Variants in PRAP1 observed in about 807,000 individuals in gnomAD.
PRAP1 encodes the protein proline-rich acidic protein 1.
Under a neutral mutation model 14.6 loss-of-function variants are expected in PRAP1, and 12 were observed. That is an observed-to-expected ratio of 0.82 (90% confidence interval 0.53 to 1.33). The LOEUF (loss-of-function observed/expected upper bound fraction) is 1.33. PRAP1 is among the 40% of genes most tolerant of loss of function. The pLI, the probability that PRAP1 is intolerant of heterozygous loss-of-function variation, is 0.00. For missense variants in PRAP1, 160 were observed against 193.7 expected (o/e 0.83, Z 1.03); for synonymous variants, 81 against 80.3 (o/e 1.01, Z -0.04).
At chr10:133,348,910 C>G (rs1848628990) in intron 1 of PRAP1, among the ~76,000 whole-genome samples, 1 of 152,014 alleles carries the variant, frequency 6.6e-6, no homozygotes, top group African/African-American at 2.4e-5. Flanking sequence ...ATCTGCCCAC[C>G]TCAGCCTCCC....
In PRAP1 at chr10:133,347,886, T is replaced by A. The variant is rs546245509; in HGVS notation, c.8+461T>A. Among the ~76,000 whole-genome samples the A allele has an allele frequency of 7.2e-5, 11 of 152,048 alleles. No individual in the cohort carries two copies. In the South Asian group the frequency reaches 1.0e-3, roughly 14 times the overall value. The stretch of plus-strand genomic sequence containing the variant: ...AGAGGCTGCCTTCCTTCTGTGGGGG[T>A]GTCTGTCTTCCCCCTCCTTGTGTGG... On this transcript the variant is annotated intron_variant, in intron 1 of 4. Coordinates refer to ENST00000433452, the MANE Select transcript of PRAP1 (RefSeq NM_145202.5). This position sits in a 1 kb window ranked among gnomAD's most constrained non-coding sequence, Gnocchi z 5.0.
intron 1 of PRAP1, among the ~76,000 whole-genome samples, chr10:133,349,458 T>G (rs1848642414): frequency 6.6e-6 from 1 of 151,990 alleles, no homozygotes; most frequent in Admixed American, 6.6e-5. Flanking sequence ...ACACCCACCA[T>G]GCACATGGTC....
At chr10:133,348,633 C>T (rs1356248408) in intron 1 of PRAP1, among the ~76,000 whole-genome samples, 3 of 151,980 alleles carry the variant, frequency 2.0e-5, no homozygotes, top group South Asian at 2.1e-4. Flanking sequence ...CCTGCCTCAG[C>T]CTCCCAAGTA....
chr10:133,347,931 C>T lies in PRAP1; in HGVS notation c.8+506C>T, dbSNP rs368303525. ...GTGTGGGGGACCCCTCTCCCCGCTC[C>T]TGTGGAGGTGCCCTCCTCCTCTTCC... On this transcript the variant is annotated intron_variant, in intron 1 of 4. Transcript: ENST00000433452. The surrounding 1 kb of genome is among the most constrained non-coding windows in gnomAD (Gnocchi z 5.0). 3.5e-4 allele frequency among the ~76,000 whole-genome samples: 53 copies of T among 152,286 alleles called. No homozygotes were observed. The East Asian group carries it at 8.3e-3, about 24-fold the overall frequency.
intron 2 of PRAP1, chr10:133,350,806 C>A (rs966250561): frequency 1.9e-5 from 3 of 155,366 alleles, no homozygotes; most frequent in Admixed American, 1.9e-4. Flanking sequence ...AGCCCCCCCA[C>A]GGTGCTGGTC....
chr10:133,347,523 G>A lies in PRAP1; in HGVS notation c.8+98G>A. 3.9e-6 allele frequency: 5 copies of A among 1,273,324 alleles called. No homozygotes were observed. The highest frequency in any genetic ancestry group is 2.3e-5 in the Admixed American group (1 of 42,958). 78.9% of individuals were successfully genotyped at this position (1,273,324 alleles called of 1,614,324 possible). A position where few individuals can be genotyped will look rare whatever the true frequency, so the allele number is the denominator to read the frequency against. On this transcript the variant is annotated intron_variant, in intron 1 of 4. Transcript: ENST00000433452. This position sits in a 1 kb window ranked among gnomAD's most constrained non-coding sequence, Gnocchi z 5.0. ...GCCCAGCTGTGCTGCGCTCCAGGGG[G>A]CCTGGTTCAGGGGAGTGTGCGGGTG... is the stretch of plus-strand genomic sequence containing the variant.
Position 133,351,157 on chromosome 10 carries a change from C to A in PRAP1, c.76-224C>A, listed in dbSNP as rs376913000. Among the ~76,000 whole-genome samples, 24 of 152,172 alleles carry A rather than the reference C, an allele frequency of 1.6e-4. No individual in the cohort carries two copies. Among genetic ancestry groups the A allele is most frequent in the African/African-American group, 4.6e-4 (19 of 41,434 alleles). On this transcript the variant is annotated intron_variant, in intron 2 of 4. Transcript: ENST00000433452. The surrounding 1 kb of genome is among the most constrained non-coding windows in gnomAD (Gnocchi z 4.3). ...CGGCCAGAATTCCAGGCCAGCTGGTCATCTGGGCACAGGCCGGCAACCTCA... is the reference window on the plus strand; with the variant it reads ...CGGCCAGAATTCCAGGCCAGCTGGTAATCTGGGCACAGGCCGGCAACCTCA...
At chr10:133,349,391 C>T (rs1267214774) in intron 1 of PRAP1, among the ~76,000 whole-genome samples, 1 of 152,018 alleles carries the variant, frequency 6.6e-6, no homozygotes, top group African/African-American at 2.4e-5. Context: ...ATGCACCACA[C>T]ACTGAAGCAC....
chr10:133,350,050 G>GCTGCCTGGAGT, intron 1 of PRAP1, 45 bp from the exon 2 acceptor site: 2 of 1,578,532 alleles, frequency 1.3e-6, no homozygotes, highest in African/African-American at 1.3e-5. Flanking sequence ...AGTTCAGGGC[G>GCTGCCTGGAGT]TCCCCTTCCC....
intron 2 of PRAP1, among the ~76,000 whole-genome samples, 156 bp downstream of exon 2, chr10:133,350,317 TGCAGGCATGAGGAGGGG>T (rs1245344127): frequency 6.6e-6 from 1 of 152,206 alleles, no homozygotes; most frequent in Admixed American, 6.5e-5. Flanking sequence ...TTGATGCCTG[TGCAGGCATGAGGAGGGG>T]GCAGGCTTCC....
In PRAP1 at chr10:133,351,569, G is replaced by A. The variant is rs2133406247; in HGVS notation, c.128+136G>A. ...TGTCCAGCAGCTTTTGGAAGGAGGGGGCACTCCAGCCTCATGGGCATCTGT... is the reference window on the plus strand; with the variant it reads ...TGTCCAGCAGCTTTTGGAAGGAGGGAGCACTCCAGCCTCATGGGCATCTGT... On this transcript the variant is annotated intron_variant, in intron 3 of 4. Transcript: ENST00000433452. This position sits in a 1 kb window ranked among gnomAD's most constrained non-coding sequence, Gnocchi z 4.3. The A allele has an allele frequency of 2.9e-6, 2 of 700,752 alleles. 1 individual carries two copies. The highest frequency in any genetic ancestry group is 3.7e-5 in the South Asian group (2 of 54,780). The allele number at this position is 700,752 out of a possible 1,614,324, so 43.4% of individuals were successfully genotyped here. A position where few individuals can be genotyped will look rare whatever the true frequency, so the allele number is the denominator to read the frequency against.
rs559426144 is a variant in PRAP1 at position 133,347,501 on chromosome 10, CAGCTGTGCTGCGCTCCAGGGGGCCT to C, written c.8+77_8+101del. Reference sequence around the variant, plus strand: ...GCCTGGCCCTTAGCCAGAGGGGGCCCAGCTGTGCTGCGCTCCAGGGGGCCTGGTTCAGGGGAGTGTGCGGGTGGGA... The same window carrying C: ...GCCTGGCCCTTAGCCAGAGGGGGCCCGGTTCAGGGGAGTGTGCGGGTGGGA... On this transcript the variant is annotated intron_variant, in intron 1 of 4. Coordinates refer to ENST00000433452, the MANE Select transcript of PRAP1 (RefSeq NM_145202.5). This position sits in a 1 kb window ranked among gnomAD's most constrained non-coding sequence, Gnocchi z 5.0. The C allele has an allele frequency of 0.02, 29,135 of 1,482,056 alleles. 361 individuals are homozygous for C. The highest frequency in any genetic ancestry group is 0.022 in the Non-Finnish European group (24,364 of 1,086,828). 91.8% of individuals were successfully genotyped at this position (1,482,056 alleles called of 1,614,324 possible).
Position 133,351,060 on chromosome 10 carries a change from C to T in PRAP1, c.76-321C>T, listed in dbSNP as rs1050699278. Among the ~76,000 whole-genome samples, 3 of 152,212 alleles carry T rather than the reference C, an allele frequency of 2.0e-5. No individual in the cohort carries two copies. The highest frequency in any genetic ancestry group is 2.1e-4 in the South Asian group (1 of 4,832). On this transcript the variant is annotated intron_variant, in intron 2 of 4. Coordinates refer to ENST00000433452, the MANE Select transcript of PRAP1 (RefSeq NM_145202.5). The surrounding 1 kb of genome is among the most constrained non-coding windows in gnomAD (Gnocchi z 4.3). ...CTGCAGAAAACAGCCAGTGCATTGA[C>T]GGCCAGGGTTGGGAGTGCTAGGTCA...
rs1176709421 is a variant in PRAP1 at position 133,351,558 on chromosome 10, T to TG, written c.128+127dup. 3 of 758,720 alleles carry TG rather than the reference T, an allele frequency of 4.0e-6. No individual in the cohort carries two copies. The highest frequency in any genetic ancestry group is 6.5e-6 in the Non-Finnish European group (3 of 460,298). The allele number at this position is 758,720 out of a possible 1,614,324, so 47.0% of individuals were successfully genotyped here. On this transcript the variant is annotated intron_variant, in intron 3 of 4. Coordinates refer to ENST00000433452, the MANE Select transcript of PRAP1 (RefSeq NM_145202.5). The surrounding 1 kb of genome is among the most constrained non-coding windows in gnomAD (Gnocchi z 4.3). The stretch of plus-strand genomic sequence containing the variant: ...GAGAGGAGCCCTGTCCAGCAGCTTT[T>TG]GGAAGGAGGGGGCACTCCAGCCTCA...
At chr10:133,349,406 T>C (rs139225987) in intron 1 of PRAP1, among the ~76,000 whole-genome samples, 2 of 151,514 alleles carry the variant, frequency 1.3e-5, no homozygotes, top group Non-Finnish European at 2.9e-5. Flanking sequence ...AAGCACACAG[T>C]GCACACACAC....
Position 133,351,332 on chromosome 10 carries a change from T to A in PRAP1, c.76-49T>A. 2 of 1,538,992 alleles carry A rather than the reference T, an allele frequency of 1.3e-6. No homozygotes were observed. Among genetic ancestry groups the A allele is most frequent in the Non-Finnish European group, 1.8e-6 (2 of 1,125,436 alleles). On this transcript the variant is annotated intron_variant, in intron 2 of 4. Coordinates refer to ENST00000433452, the MANE Select transcript of PRAP1 (RefSeq NM_145202.5). This position sits in a 1 kb window ranked among gnomAD's most constrained non-coding sequence, Gnocchi z 4.3. ...CGGAGCAACCTCTCCCCAGGTGTCC[T>A]CCACCCGCGTGGACTGTGGCCCAGC...
Position 133,350,156 on chromosome 10 carries a change from C to A in PRAP1, c.70C>A (p.Pro24Thr), listed in dbSNP as rs757824305. ...GTGGGAGGCAGGTGCAGTCCCAGCA[C>A]CCAAGGTAGGTGTGAGCCCCTCCCA... ...LLWEAGAVPAPKVPIKMQVKH... is the reference protein window; with the variant it reads ...LLWEAGAVPATKVPIKMQVKH... The change falls in exon 2 of 5, where the codon CCC becomes ACC. Residue 24 changes from proline to threonine, a missense_variant. Coordinates refer to ENST00000433452, the MANE Select transcript of PRAP1 (RefSeq NM_145202.5). The A allele has an allele frequency of 1.9e-6, 3 of 1,613,342 alleles. No individual in the cohort carries two copies. Among genetic ancestry groups the A allele is most frequent in the Non-Finnish European group, 8.5e-7 (1 of 1,179,752 alleles).
Position 133,350,180 on chromosome 10 carries a change from C to T in PRAP1, c.75+19C>T, listed in dbSNP as rs745646588. 3.1e-6 allele frequency: 5 copies of T among 1,608,952 alleles called. No individual in the cohort carries two copies. The highest frequency in any genetic ancestry group is 1.3e-5 in the African/African-American group (1 of 74,980). ...ACCCAAGGTAGGTGTGAGCCCCTCC[C>T]ATCTGGGCAGCAACTCCAGTTGTCA... On this transcript the variant is annotated intron_variant, in intron 2 of 4. Transcript: ENST00000433452.
chr10:133,350,963 C>T (rs1848667648), intron 2 of PRAP1, among the ~76,000 whole-genome samples: 2 of 67,790 alleles, frequency 3.0e-5, no homozygotes, highest in African/African-American at 9.2e-5. Flanking sequence ...GTTAGCTGGG[C>T]TCAGAGCGGC....
Sources: gnomAD v4.1 joint callset for allele counts (sites outside exome capture counted in the v4.1 genomes callset) on GRCh38, gnomAD v4.1.1 for gene constraint, Gnocchi (gnomAD v3.1) non-coding constraint, MANE v1.5 for transcripts, NCBI Gene and HGNC (gene_info 2026-07-23, HGNC 2026-07-21) for gene names.